LTBP1: variants seen among roughly 807,000 people sequenced by gnomAD.
LTBP1 encodes latent transforming growth factor beta binding protein 1.
Under a neutral mutation model 207.6 loss-of-function variants are expected in LTBP1, and 129 were observed. The ratio of observed to expected loss-of-function variants is 0.62; its 90% CI spans 0.54 to 0.72. The LOEUF (loss-of-function observed/expected upper bound fraction) is 0.72. LTBP1 is among the 30% of genes least tolerant of loss of function. The pLI, the probability that LTBP1 is intolerant of heterozygous loss-of-function variation, is 0.00. For missense variants in LTBP1, 2,281 were observed against 2,217.2 expected (o/e 1.03, Z -0.58); for synonymous variants, 963 against 833.7 (o/e 1.16, Z -2.67).
intron 24 of LTBP1, among the ~76,000 whole-genome samples, chr2:33,342,618 GT>G (rs952164896): frequency 1.3e-5 from 2 of 152,078 alleles, no homozygotes. Flanking sequence ...AGTACTAAAT[GT>G]TTTTTTCATA....
intron 11 of LTBP1, among the ~76,000 whole-genome samples, chr2:33,254,662 A>G (rs1253784976): frequency 7.0e-6 from 1 of 143,272 alleles, no homozygotes; most frequent in Non-Finnish European, 1.5e-5. Context: ...TTGGTTACAT[A>G]TGTATACATG....
Position 33,188,780 on chromosome 2 carries a change from A to G in LTBP1, c.1630A>G (p.Ile544Val), listed in dbSNP as rs1423013287. 1 of 1,614,182 alleles carries G rather than the reference A, an allele frequency of 6.2e-7. No individual in the cohort carries two copies. Among genetic ancestry groups the G allele is most frequent in the Non-Finnish European group, 8.5e-7 (1 of 1,180,026 alleles). Residue 544 changes from isoleucine (I) to valine (V), a missense_variant, in exon 7 of 34, where the codon ATT (isoleucine) becomes GTT (valine). Physicochemically the swap from Ile to Val is conservative, Grantham distance 29 (BLOSUM62 3). Around this residue, in one of 3 missense-constraint regions of LTBP1, gnomAD observed 1,671 missense variants for 1,634.8 expected, o/e 1.02. Transcript: ENST00000404816. ...IHSTYSHQQV[I>V]PHVYPVAAKT... is the part of the protein sequence containing the mutation. ...TTCCACATACTCCCACCAGCAGGTC[A>G]TTCCTCACGTCTACCCCGTGGCTGC...
chr2:33,205,023 C>T (rs972185781), intron 7 of LTBP1, among the ~76,000 whole-genome samples: 1 of 152,188 alleles, frequency 6.6e-6, no homozygotes, highest in African/African-American at 2.4e-5. Flanking sequence ...TTTGAGCCCT[C>T]CAAACCTCTA....
chr2:32,993,911 C>T (rs1196908282), intron 2 of LTBP1, among the ~76,000 whole-genome samples: 7 of 151,468 alleles, frequency 4.6e-5, no homozygotes, highest in Admixed American at 2.6e-4. Context: ...TATCCCAGGC[C>T]GGGACCTCTG....
chr2:33,316,658 A>G (rs1192109687), intron 24 of LTBP1, among the ~76,000 whole-genome samples: 1 of 152,214 alleles, frequency 6.6e-6, no homozygotes, highest in Non-Finnish European at 1.5e-5. Flanking sequence ...TGAGAGATTT[A>G]GAAGAAATCC....
intron 3 of LTBP1, among the ~76,000 whole-genome samples, chr2:33,036,211 G>C (rs1051645030): frequency 2.6e-5 from 4 of 152,130 alleles, no homozygotes; most frequent in Non-Finnish European, 5.9e-5. Context: ...CCCCACCTCA[G>C]AGTTTCCGAT....
chr2:33,365,416 G>A lies in LTBP1; in HGVS notation c.4624G>A (p.Gly1542Ser). ...DEYVCSRPLV[G>S]KQTTYTECCC... ...ATACGTGTGTAGCCGGCCTCTTGTG[G>A]GCAAGCAGACAACGTACACTGAGTG... The change falls in exon 31 of 34, where the codon GGC (glycine) becomes AGC (serine). Residue 1542 changes from glycine (G) to serine (S), a missense_variant. By Grantham distance (56) the Gly-to-Ser change is moderately conservative. Coordinates refer to ENST00000404816, the MANE Select transcript of LTBP1 (RefSeq NM_206943.4). 6.2e-7 allele frequency: 1 copy of A among 1,614,196 alleles called. No homozygotes were observed. Among genetic ancestry groups the A allele is most frequent in the Non-Finnish European group, 8.5e-7 (1 of 1,180,034 alleles).
chr2:32,994,693 C>T (rs1684979591), intron 2 of LTBP1, among the ~76,000 whole-genome samples: 1 of 152,128 alleles, frequency 6.6e-6, no homozygotes, highest in South Asian at 2.1e-4. Flanking sequence ...TCTCGAACTC[C>T]TGACCTCAGA....
rs543931932 is a variant in LTBP1 at position 33,269,892 on chromosome 2, G to T, written c.2618-3764G>T. Among the ~76,000 whole-genome samples, 10 of 151,868 alleles carry T rather than the reference G, an allele frequency of 6.6e-5. No homozygotes were observed. The South Asian group carries it at 1.3e-3, about 19-fold the overall frequency. On this transcript the variant is annotated intron_variant, in intron 15 of 33. Coordinates refer to ENST00000404816, the MANE Select transcript of LTBP1 (RefSeq NM_206943.4). ...AGAAAAGGAGAGAAAACACAGGGGA[G>T]ATATGAGGGAGACATGTTTTATATG...
At chr2:33,050,123 C>A (rs948673844) in intron 3 of LTBP1, among the ~76,000 whole-genome samples, 1 of 146,194 alleles carries the variant, frequency 6.8e-6, no homozygotes, top group African/African-American at 2.5e-5. Context: ...GGATTATAGG[C>A]GTAAGCATTT....
At chr2:33,132,996 G>C (rs978875599) in intron 4 of LTBP1, among the ~76,000 whole-genome samples, 5 of 152,178 alleles carry the variant, frequency 3.3e-5, no homozygotes, top group African/African-American at 1.2e-4. Context: ...AGTACTTGCT[G>C]GGAACTGCCA....
chr2:33,186,950 C>T lies in LTBP1; in HGVS notation c.1296C>T (p.Ile432=). Residue 432 remains isoleucine (I), a synonymous_variant, in exon 6 of 34, where the codon ATC becomes ATT. Transcript: ENST00000404816. ...PPNFTGKLCQ[I]PVHGASVPKL... is the part of the protein sequence containing the mutation. ...ATTTCACAGGAAAACTTTGTCAGATCCCAGTCCATGGTGCCAGCGTGCCTA... is the reference window on the plus strand; with the variant it reads ...ATTTCACAGGAAAACTTTGTCAGATTCCAGTCCATGGTGCCAGCGTGCCTA... 1 of 1,614,170 alleles carries T rather than the reference C, an allele frequency of 6.2e-7. No individual in the cohort carries two copies. The highest frequency in any genetic ancestry group is 2.2e-5 in the East Asian group (1 of 44,886).
chr2:33,147,467 T>A (rs2083148192), intron 5 of LTBP1, among the ~76,000 whole-genome samples: 1 of 152,248 alleles, frequency 6.6e-6, no homozygotes, highest in South Asian at 2.1e-4. Context: ...AGGTCTAAAC[T>A]ATTATTAATC....
At chr2:32,981,947 G>T (rs1397048243) in intron 2 of LTBP1, among the ~76,000 whole-genome samples, 7 of 152,132 alleles carry the variant, frequency 4.6e-5, no homozygotes, top group Non-Finnish European at 1.0e-4. Flanking sequence ...GTATGAAAAT[G>T]GACTAATACA....
intron 19 of LTBP1, among the ~76,000 whole-genome samples, chr2:33,289,033 T>C (rs1368597294): frequency 6.6e-6 from 1 of 152,208 alleles, no homozygotes; most frequent in Non-Finnish European, 1.5e-5. Flanking sequence ...GGATAAATCA[T>C]GCTAGACTGT....
intron 9 of LTBP1, among the ~76,000 whole-genome samples, chr2:33,224,787 C>G (rs1303164927): frequency 2.6e-5 from 4 of 151,980 alleles, no homozygotes; most frequent in African/African-American, 9.7e-5. Flanking sequence ...ATATTGCTAC[C>G]TGTGCTATAT....
intron 7 of LTBP1, among the ~76,000 whole-genome samples, chr2:33,209,748 T>G (rs760131443): frequency 6.6e-6 from 1 of 152,234 alleles, no homozygotes; most frequent in Non-Finnish European, 1.5e-5. Flanking sequence ...ACTACTAGAT[T>G]AATTGCTCTT....
chr2:33,077,126 C>T (rs1055431441), intron 3 of LTBP1, among the ~76,000 whole-genome samples: 12 of 152,134 alleles, frequency 7.9e-5, no homozygotes, highest in Non-Finnish European at 1.3e-4. Flanking sequence ...GAGGGCCACA[C>T]GGCTATGGAG....
chr2:33,219,134 C>G (rs1271433519), intron 8 of LTBP1, among the ~76,000 whole-genome samples: 1 of 152,114 alleles, frequency 6.6e-6, no homozygotes, highest in African/African-American at 2.4e-5. Context: ...GTTGATACTA[C>G]TCATCTCTTT....
Sources: gnomAD v4.1 joint callset for allele counts (sites outside exome capture counted in the v4.1 genomes callset) on GRCh38, gnomAD v4.1.1 for gene constraint, gnomAD v4.1.1 regional missense constraint, MANE v1.5 for transcripts, NCBI Gene and HGNC (gene_info 2026-07-23, HGNC 2026-07-21) for gene names.